Variants in ROBO2 observed in about 807,000 individuals in gnomAD.
ROBO2 encodes roundabout guidance receptor 2.
In ROBO2, 53 loss-of-function variants were observed where a neutral mutation model predicts 160.8. The ratio of observed to expected loss-of-function variants is 0.33; its 90% confidence interval spans 0.26 to 0.41. The LOEUF is 0.41. Ranked by LOEUF, ROBO2 falls within the 10% of genes least tolerant of loss-of-function variation. ROBO2 has a pLI of 1.00. For missense variants in ROBO2, 1,577 were observed against 1,722.4 expected, an observed-to-expected ratio of 0.92 and a Z score of 1.49; for synonymous variants, 664 against 611.7, an observed-to-expected ratio of 1.09 and a Z score of -1.26.
At chr3:76,571,884 AC>A (rs1410343855) in intron 2 of ROBO2, among the ~76,000 whole-genome samples, 1 of 152,174 alleles carries the variant, frequency 6.6e-6, no homozygotes, top group African/African-American at 2.4e-5. Flanking sequence ...CTAAAGGCAG[AC>A]CATTCTAAAA....
At chr3:76,755,514 A>G (rs1178585091) in intron 2 of ROBO2, among the ~76,000 whole-genome samples, 2 of 151,854 alleles carry the variant, frequency 1.3e-5, no homozygotes, top group African/African-American at 4.8e-5. Context: ...TAACTAAAAC[A>G]GAGTTTTAAA....
At chr3:75,920,779 G>A (rs977863209) in intron 1 of ROBO2, among the ~76,000 whole-genome samples, 53 of 151,934 alleles carry the variant, frequency 3.5e-4, no homozygotes, top group African/African-American at 7.5e-4. Context: ...TTACTACTAC[G>A]TAATGCCCTT....
chr3:76,113,515 C>T lies in ROBO2; in HGVS notation c.109+175913C>T, dbSNP rs6788501. On this transcript the variant is annotated intron_variant, in intron 2 of 26. Coordinates refer to the ROBO2 transcript ENST00000487694. ...CTGAGTAACAGCCCATTACATATAT[C>T]TCATCTGCAAAATTATGTCATACAA... Among the ~76,000 whole-genome samples the T allele has an allele frequency of 7.1e-4, 108 of 152,042 alleles. 1 individual carries two copies. The highest frequency in any genetic ancestry group is 3.4e-3 in the Middle Eastern group (1 of 294).
chr3:76,729,639 CTT>C (rs11292819), intron 2 of ROBO2, among the ~76,000 whole-genome samples: 1,935 of 136,022 alleles, frequency 0.014, 40 homozygotes, highest in African/African-American at 0.05. Flanking sequence ...CTCTCTCTCT[CTT>C]TTTTTTTTTT....
At chr3:77,067,012 TCTCACACACACACA>T (rs1214062726) in intron 1 of ROBO2, among the ~76,000 whole-genome samples, 3 of 136,634 alleles carry the variant, frequency 2.2e-5, no homozygotes, top group African/African-American at 8.9e-5. Context: ...ACTCACACAC[TCTCACACACACACA>T]CTCACACACA....
rs78015602 is a variant in ROBO2, at chr3:77,166,013, A to G, written c.388+67673A>G. On this transcript the variant is annotated intron_variant, in intron 2 of 25. Transcript: ENST00000461745. ...ACAACACGTACCATTTGAGTGTGTT[A>G]TTTGCAGATGGTGATACTTTACCCA... Among the ~76,000 whole-genome samples the G allele has an allele frequency of 2.2e-3, 335 of 152,290 alleles. 2 individuals are homozygous for G. The highest frequency in any genetic ancestry group is 7.6e-3 in the African/African-American group (317 of 41,560).
At chr3:75,978,633 G>C (rs1301201563) in intron 2 of ROBO2, among the ~76,000 whole-genome samples, 1 of 151,468 alleles carries the variant, frequency 6.6e-6, no homozygotes, top group Admixed American at 6.6e-5. Context: ...ATTGATATCA[G>C]TCCTTAAGAG....
chr3:77,409,237 G>A (rs995123223), intron 2 of ROBO2, among the ~76,000 whole-genome samples: 1 of 151,614 alleles, frequency 6.6e-6, no homozygotes, highest in East Asian at 1.9e-4. Context: ...CTCTAAAGCA[G>A]TTAATATTTA....
At chr3:76,157,884 ATCT>A (rs74386897) in intron 2 of ROBO2, among the ~76,000 whole-genome samples, 3,260 of 152,262 alleles carry the variant, frequency 0.021, 204 homozygotes, top group East Asian at 0.2. Context: ...GAATGTTCAC[ATCT>A]TCTCTCCTTC....
At chr3:77,545,552 G>T (rs2153648363) in intron 6 of ROBO2, among the ~76,000 whole-genome samples, 1 of 152,140 alleles carries the variant, frequency 6.6e-6, no homozygotes, top group African/African-American at 2.4e-5. Context: ...TTAGATAAGT[G>T]TTGATTTAAT....
intron 2 of ROBO2, among the ~76,000 whole-genome samples, chr3:76,493,487 T>G (rs1161364895): frequency 1.3e-5 from 2 of 151,696 alleles, no homozygotes; most frequent in African/African-American, 2.4e-5. Flanking sequence ...GTTATTTTAG[T>G]CTTGTTTGTC....
chr3:76,583,425 G>GCAATGTAGA (rs1383357443), intron 2 of ROBO2, among the ~76,000 whole-genome samples: 1 of 152,180 alleles, frequency 6.6e-6, no homozygotes, highest in African/African-American at 2.4e-5. Context: ...ACACTTTCCG[G>GCAATGTAGA]AACATTCTAC....
At chr3:76,943,302 A>C (rs2078314776) in intron 2 of ROBO2, among the ~76,000 whole-genome samples, 1 of 151,984 alleles carries the variant, frequency 6.6e-6, no homozygotes, top group African/African-American at 2.4e-5. Context: ...GTTACATACC[A>C]CTCGTTGCTA....
intron 2 of ROBO2, among the ~76,000 whole-genome samples, chr3:76,217,269 C>A (rs1703608447): frequency 6.6e-6 from 1 of 152,008 alleles, no homozygotes; most frequent in Admixed American, 6.5e-5. Context: ...AAAGCAAGAG[C>A]AAACATATTC....
intron 2 of ROBO2, among the ~76,000 whole-genome samples, chr3:76,445,657 C>T (rs966568547): frequency 3.3e-5 from 5 of 152,048 alleles, no homozygotes; most frequent in Non-Finnish European, 4.4e-5. Flanking sequence ...ACTGGCAAAC[C>T]GAGTCCAGCA....
At chr3:77,102,328 A>G (rs1242610523) in intron 2 of ROBO2, among the ~76,000 whole-genome samples, 1 of 152,008 alleles carries the variant, frequency 6.6e-6, no homozygotes, top group Non-Finnish European at 1.5e-5. Flanking sequence ...TGTGCTAGGC[A>G]TTGTAAGATG....
chr3:76,519,474 C>T (rs1329900960), intron 2 of ROBO2, among the ~76,000 whole-genome samples: 1 of 152,190 alleles, frequency 6.6e-6, no homozygotes, highest in East Asian at 1.9e-4. Flanking sequence ...CCCAAACTCT[C>T]TGTCTGCAAT....
intron 2 of ROBO2, among the ~76,000 whole-genome samples, chr3:76,097,922 C>T (rs770497359): frequency 2.0e-5 from 3 of 152,064 alleles, no homozygotes; most frequent in Non-Finnish European, 2.9e-5. Flanking sequence ...ATCAAAACAA[C>T]GATTAATAAA....
intron 2 of ROBO2, among the ~76,000 whole-genome samples, chr3:76,080,432 T>C (rs534476938): frequency 6.6e-6 from 1 of 152,330 alleles, no homozygotes; most frequent in South Asian, 2.1e-4. Flanking sequence ...GAGCCTGGAT[T>C]ATGTTGTAAA....
Sources: allele counts gnomAD v4.1 joint callset (sites outside exome capture counted in the v4.1 genomes callset), GRCh38; gene constraint gnomAD v4.1.1; transcripts MANE v1.5; gene names NCBI Gene and HGNC (gene_info 2026-07-23, HGNC 2026-07-21).